OXR1: variants seen among roughly 807,000 people sequenced by gnomAD.
OXR1 encodes the protein oxidation resistance protein 1.
A neutral mutation model predicts 104.6 loss-of-function variants in OXR1; 41 were observed. The ratio of observed to expected loss-of-function variants is 0.39; its 90% CI spans 0.31 to 0.51. The LOEUF (loss-of-function observed/expected upper bound fraction) is 0.51. Ranked by LOEUF, OXR1 falls within the 20% of genes least tolerant of loss-of-function variation. The probability of loss-of-function intolerance (pLI) is 0.77; values close to 1 mark genes in which losing one functional copy is unlikely to be tolerated. For missense variants in OXR1, 955 were observed against 1,031.9 expected (o/e 0.93, Z 1.02); for synonymous variants, 348 against 348.4 (o/e 1.00, Z 0.01).
intron 3 of OXR1, among the ~76,000 whole-genome samples, chr8:106,613,214 A>T (rs1820946788): frequency 6.6e-6 from 1 of 152,236 alleles, no homozygotes; most frequent in East Asian, 1.9e-4. Context: ...GGCTGTTTGG[A>T]TCAGATGGCT....
intron 7 of OXR1, among the ~76,000 whole-genome samples, chr8:106,694,095 T>G (rs1452071187): frequency 6.6e-6 from 1 of 152,094 alleles, no homozygotes; most frequent in Non-Finnish European, 1.5e-5. Flanking sequence ...TAATTTCTAA[T>G]TCGATTCTGT....
intron 3 of OXR1, among the ~76,000 whole-genome samples, chr8:106,555,259 G>C (rs2130447273): frequency 6.6e-6 from 1 of 152,236 alleles, no homozygotes; most frequent in South Asian, 2.1e-4. Context: ...GAGAACTGCT[G>C]CTGCAAGCTA....
At position 106,688,382 on chromosome 8, in the gene OXR1, CTTGAA is replaced by C. The variant is rs150135990; in HGVS notation, c.525+4027_525+4031del. Among the ~76,000 whole-genome samples the C allele has an allele frequency of 5.6e-3, 841 of 151,348 alleles. 10 individuals are homozygous for C. The highest frequency in any genetic ancestry group is 0.02 in the African/African-American group (807 of 41,210). On this transcript the variant is annotated intron_variant, in intron 6 of 16. Transcript: ENST00000517566. ...TGATAAAAATAGAATATTAATAACA[CTTGAA>C]TTGGATACACATGATGATAAGACAA...
chr8:106,377,382 C>T (rs1231856201), intron 2 of OXR1, among the ~76,000 whole-genome samples: 6 of 152,106 alleles, frequency 3.9e-5, no homozygotes, highest in African/African-American at 1.4e-4. Context: ...GATGAGGTCT[C>T]ACTTTGTTGC....
chr8:106,507,958 G>T (rs1812278735), intron 2 of OXR1, among the ~76,000 whole-genome samples: 1 of 152,182 alleles, frequency 6.6e-6, no homozygotes, highest in Middle Eastern at 3.2e-3. Context: ...GACTCTGGCT[G>T]CATGACCCAG....
intron 3 of OXR1, among the ~76,000 whole-genome samples, chr8:106,564,253 A>G (rs947940861): frequency 2.6e-5 from 4 of 152,178 alleles, no homozygotes; most frequent in Admixed American, 6.5e-5. Context: ...AATAAAGAAG[A>G]AAAGAGAGAA....
intron 3 of OXR1, among the ~76,000 whole-genome samples, chr8:106,677,760 C>CGTGT (rs144996062): frequency 6.6e-6 from 1 of 150,522 alleles, no homozygotes; most frequent in African/African-American, 2.4e-5. Context: ...TATGCGCACG[C>CGTGT]GTGTGTGTGT....
chr8:106,355,706 CT>C (rs974223444), intron 1 of OXR1, among the ~76,000 whole-genome samples: 1 of 150,378 alleles, frequency 6.6e-6, no homozygotes, highest in Non-Finnish European at 1.5e-5. Flanking sequence ...TTTTCTTTTT[CT>C]TTTTTTTAAT....
chr8:106,385,163 G>T (rs1817324474), intron 2 of OXR1, among the ~76,000 whole-genome samples: 2 of 152,142 alleles, frequency 1.3e-5, no homozygotes, highest in Non-Finnish European at 2.9e-5. Flanking sequence ...CCTAGGGCAG[G>T]ACTGTGCAAC....
At chr8:106,472,271 A>G (rs1440593007) in intron 2 of OXR1, among the ~76,000 whole-genome samples, 3 of 151,838 alleles carry the variant, frequency 2.0e-5, no homozygotes, top group Non-Finnish European at 4.4e-5. Context: ...ATAGGCAAAC[A>G]ATATAATCTT....
At chr8:106,617,243 T>C (rs1295487741) in intron 3 of OXR1, among the ~76,000 whole-genome samples, 1 of 152,096 alleles carries the variant, frequency 6.6e-6, no homozygotes. Flanking sequence ...GACAACATAA[T>C]GAAACCCCAT....
chr8:106,447,741 C>T (rs1563528634), intron 2 of OXR1, among the ~76,000 whole-genome samples: 1 of 152,214 alleles, frequency 6.6e-6, no homozygotes, highest in South Asian at 2.1e-4. Flanking sequence ...ATCTTTCTCA[C>T]ATACATATCT....
At chr8:106,749,514 A>C (rs2131609760) in intron 16 of OXR1, among the ~76,000 whole-genome samples, 1 of 152,222 alleles carries the variant, frequency 6.6e-6, no homozygotes, top group Non-Finnish European at 1.5e-5. Context: ...TGTGTGTTTT[A>C]ATATAATTGA....
chr8:106,282,634 A>G (rs1324017499), intron 1 of OXR1, among the ~76,000 whole-genome samples: 1 of 152,230 alleles, frequency 6.6e-6, no homozygotes, highest in African/African-American at 2.4e-5. Context: ...TAAGAAAATT[A>G]TAAGGAAGAT....
At position 106,507,690 on chromosome 8, in the gene OXR1, G is replaced by A. The variant is rs375403141; in HGVS notation, c.24-11253G>A. 4.6e-4 allele frequency among the ~76,000 whole-genome samples: 70 copies of A among 152,316 alleles called. No individual in the cohort carries two copies. The South Asian group carries it at 0.012, about 26-fold the overall frequency. On this transcript the variant is annotated intron_variant, in intron 2 of 16. Transcript: ENST00000517566. Reference sequence around the variant, plus strand: ...ACTTGAAGTGATGTGAAGTGTTTGCGCTGGGTGAATGCTGGCAGGAATAAG... The same window carrying A: ...ACTTGAAGTGATGTGAAGTGTTTGCACTGGGTGAATGCTGGCAGGAATAAG...
At chr8:106,568,165 C>T (rs1817216100) in intron 3 of OXR1, among the ~76,000 whole-genome samples, 1 of 152,122 alleles carries the variant, frequency 6.6e-6, no homozygotes, top group South Asian at 2.1e-4. Flanking sequence ...TCATTTCAGA[C>T]TCAGATATGA....
chr8:106,733,539 G>A (rs887906407), intron 11 of OXR1, among the ~76,000 whole-genome samples: 5 of 151,756 alleles, frequency 3.3e-5, no homozygotes, highest in Non-Finnish European at 7.4e-5. Context: ...TCATCTCTTA[G>A]CATCTCAGTT....
At chr8:106,607,883 A>G (rs996231732) in intron 3 of OXR1, among the ~76,000 whole-genome samples, 1 of 151,864 alleles carries the variant, frequency 6.6e-6, no homozygotes, top group Non-Finnish European at 1.5e-5. Context: ...AAACCTACAC[A>G]GTATGTAGCA....
intron 1 of OXR1, among the ~76,000 whole-genome samples, chr8:106,308,466 T>G (rs1259421409): frequency 6.6e-6 from 1 of 152,134 alleles, no homozygotes; most frequent in Non-Finnish European, 1.5e-5. Flanking sequence ...TTTAGCCTGG[T>G]CAAATTGACA....
Sources: gnomAD v4.1 joint callset for allele counts (sites outside exome capture counted in the v4.1 genomes callset) on GRCh38, gnomAD v4.1.1 for gene constraint, MANE v1.5 for transcripts, NCBI Gene and HGNC (gene_info 2026-07-23, HGNC 2026-07-21) for gene names.